Variants in ADGB observed in about 807,000 individuals in gnomAD.
ADGB encodes the protein androglobin.
Under a neutral mutation model 210.5 loss-of-function variants are expected in ADGB, and 172 were observed. The observed-to-expected ratio is 0.82, with a 90% CI of 0.72 to 0.93. The LOEUF (loss-of-function observed/expected upper bound fraction) is 0.93. ADGB is among the 40% of genes least tolerant of loss of function. The pLI, the probability that ADGB is intolerant of heterozygous loss-of-function variation, is 0.00. For synonymous variants in ADGB, 658 were observed against 662.7 expected (o/e 0.99, Z 0.11); for missense variants, 2,025 against 1,964.8 (o/e 1.03, Z -0.58).
rs200186186 is a variant in ADGB at position 146,661,203 on chromosome 6, CT to C, written c.613-2990del. Among the ~76,000 whole-genome samples the C allele has an allele frequency of 2.3e-3, 310 of 137,198 alleles. 7 individuals are homozygous for C. The East Asian group carries it at 0.036, about 16-fold the overall frequency. The allele number at this position is 137,198 out of a possible 152,430, so 90.0% of individuals were successfully genotyped here. On this transcript the variant is annotated intron_variant, in intron 5 of 35. Transcript: ENST00000397944. Reference sequence around the variant, plus strand: ...TAGCTTTCTTTTCCTTTTTCCTTTACTTTTTTTTCTTTTTTTCTTTTTTTTT... The same window carrying C: ...TAGCTTTCTTTTCCTTTTTCCTTTACTTTTTTTCTTTTTTTCTTTTTTTTT...
intron 1 of ADGB, among the ~76,000 whole-genome samples, chr6:146,610,041 G>T (rs975902708): frequency 2.0e-5 from 3 of 152,124 alleles, no homozygotes; most frequent in Non-Finnish European, 4.4e-5. Flanking sequence ...TCCTGAATTT[G>T]AATGTCAACC....
chr6:146,635,253 T>C (rs919646770), intron 1 of ADGB, 122 bp from the exon 2 acceptor site: 1 of 851,110 alleles, frequency 1.2e-6, no homozygotes, highest in Admixed American at 4.2e-5. Context: ...AGTATGATTG[T>C]ATTAAAAATG....
At chr6:146,732,779 C>G (rs1406285441) in intron 20 of ADGB, among the ~76,000 whole-genome samples, 1 of 152,000 alleles carries the variant, frequency 6.6e-6, no homozygotes, top group Non-Finnish European at 1.5e-5. Flanking sequence ...TGGATGGCAT[C>G]TTAGAATCAA....
intron 27 of ADGB, among the ~76,000 whole-genome samples, chr6:146,763,670 A>C (rs1777532182): frequency 6.6e-6 from 1 of 152,294 alleles, no homozygotes; most frequent in East Asian, 1.9e-4. Context: ...TGTTGTATAT[A>C]CTTTTAGAAA....
At chr6:146,665,990 T>C (rs1320934192) in intron 6 of ADGB, among the ~76,000 whole-genome samples, 1 of 152,092 alleles carries the variant, frequency 6.6e-6, no homozygotes, top group African/African-American at 2.4e-5. Context: ...TAGACACTTA[T>C]TATCTTTGAA....
intron 29 of ADGB, among the ~76,000 whole-genome samples, chr6:146,781,588 A>G (rs1478676947): frequency 6.6e-6 from 1 of 152,044 alleles, no homozygotes; most frequent in Non-Finnish European, 1.5e-5. Context: ...CATCTTAAAA[A>G]ACTAGAAAAC....
chr6:146,766,400 C>T (rs1247708601), intron 28 of ADGB, among the ~76,000 whole-genome samples: 2 of 150,948 alleles, frequency 1.3e-5, no homozygotes, highest in East Asian at 3.9e-4. Flanking sequence ...GCATTCCAGG[C>T]TGGGCGACAG....
intron 25 of ADGB, 131 bp downstream of exon 25, chr6:146,741,402 C>G: frequency 1.4e-6 from 1 of 726,430 alleles, no homozygotes; most frequent in Non-Finnish European, 2.2e-6. Context: ...TGATCTTTCA[C>G]TATAGAAGTC....
At chr6:146,713,764 C>G (rs1340370836) in intron 13 of ADGB, among the ~76,000 whole-genome samples, 2 of 151,698 alleles carry the variant, frequency 1.3e-5, no homozygotes, top group Non-Finnish European at 2.9e-5. Context: ...TGATGCTCAA[C>G]TTACCTATTT....
In ADGB at chr6:146,672,257, G is replaced by C; in HGVS notation, c.877G>C (p.Glu293Gln). 1 of 1,545,412 alleles carries C rather than the reference G, an allele frequency of 6.5e-7. No homozygotes were observed. The highest frequency in any genetic ancestry group is 8.7e-7 in the Non-Finnish European group (1 of 1,144,348). ...YMDKVWELLK[E>Q]ILPEFKLSDE... ...GGACAAAGTTTGGGAGCTCCTGAAAGAAATATTGCCTGAGTTTAAGCTGTC... is the reference window on the plus strand; with the variant it reads ...GGACAAAGTTTGGGAGCTCCTGAAACAAATATTGCCTGAGTTTAAGCTGTC... The change falls in exon 8 of 36, where the codon GAA (glutamate) becomes CAA (glutamine). Residue 293 changes from glutamate (E) to glutamine (Q), a missense_variant. Physicochemically the swap from Glu to Gln is conservative, Grantham distance 29. Transcript: ENST00000397944.
intron 33 of ADGB, among the ~76,000 whole-genome samples, chr6:146,790,451 C>G (rs1384248500): frequency 6.6e-6 from 1 of 152,176 alleles, no homozygotes; most frequent in Non-Finnish European, 1.5e-5. Context: ...GCATTTGTCT[C>G]TCTGTGGCTG....
At chr6:146,636,411 C>T (rs561365785) in intron 2 of ADGB, among the ~76,000 whole-genome samples, 3 of 152,100 alleles carry the variant, frequency 2.0e-5, no homozygotes, top group Admixed American at 2.0e-4. Context: ...AAAGGTATTG[C>T]TGACTCTGTT....
chr6:146,637,631 C>T (rs944011759), intron 2 of ADGB, among the ~76,000 whole-genome samples: 1 of 151,968 alleles, frequency 6.6e-6, no homozygotes, highest in East Asian at 1.9e-4. Flanking sequence ...TACACCAGCC[C>T]TACCAAATCC....
At chr6:146,701,150 A>G in intron 13 of ADGB, 80 bp downstream of exon 13, 2 of 1,401,438 alleles carry the variant, frequency 1.4e-6, no homozygotes, top group Non-Finnish European at 9.8e-7. Flanking sequence ...CATACTATAC[A>G]TACAAAAGAA....
chr6:146,667,751 T>C (rs1583581766), intron 7 of ADGB, among the ~76,000 whole-genome samples: 1 of 152,098 alleles, frequency 6.6e-6, no homozygotes, highest in East Asian at 1.9e-4. Flanking sequence ...CACATCTATA[T>C]GGAAATAATC....
intron 1 of ADGB, among the ~76,000 whole-genome samples, chr6:146,625,562 C>A (rs1196999426): frequency 6.6e-6 from 1 of 151,954 alleles, no homozygotes; most frequent in Admixed American, 6.6e-5. Flanking sequence ...TTTCATGGTG[C>A]CTTCCTTGTG....
At chr6:146,752,024 A>C (rs2114611901) in intron 26 of ADGB, among the ~76,000 whole-genome samples, 1 of 152,292 alleles carries the variant, frequency 6.6e-6, no homozygotes, top group South Asian at 2.1e-4. Flanking sequence ...TCAGAAAATT[A>C]GACAGTTTTC....
At chr6:146,715,524 G>T (rs1776719824) in intron 14 of ADGB, 109 bp downstream of exon 14, 6 of 675,468 alleles carry the variant, frequency 8.9e-6, no homozygotes, top group Non-Finnish European at 1.4e-5. Context: ...TTTCTTCAGT[G>T]TCTCCTTTGA....
intron 1 of ADGB, among the ~76,000 whole-genome samples, chr6:146,621,199 T>A (rs914659611): frequency 6.6e-6 from 1 of 152,146 alleles, no homozygotes; most frequent in African/African-American, 2.4e-5. Flanking sequence ...ATCTTTTAGT[T>A]TTTTTCCAGG....
Sources: allele counts gnomAD v4.1 joint callset (sites outside exome capture counted in the v4.1 genomes callset), GRCh38; gene constraint gnomAD v4.1.1; transcripts MANE v1.5; gene names NCBI Gene and HGNC (gene_info 2026-07-23, HGNC 2026-07-21).